The following AK4 variants were observed in gnomAD, a reference collection of about 807,000 sequenced individuals.
The protein encoded by AK4 is adenylate kinase 4.
In AK4, 13 loss-of-function variants were observed where a neutral mutation model predicts 24.6. The ratio of observed to expected loss-of-function variants is 0.53; its 90% CI spans 0.34 to 0.84. AK4 has a LOEUF of 0.84. Among genes scored for constraint, AK4 ranks in the 40% least tolerant of loss-of-function variants. The pLI is 0.01. For missense variants in AK4, 192 were observed against 288.2 expected, an observed-to-expected ratio of 0.67 and a Z score of 2.42; for synonymous variants, 88 against 107.0, an observed-to-expected ratio of 0.82 and a Z score of 1.10.
At chr1:65,222,058 G>C (rs12088806) in intron 3 of AK4, among the ~76,000 whole-genome samples, 5 of 152,212 alleles carry the variant, frequency 3.3e-5, no homozygotes, top group African/African-American at 1.2e-4. Flanking sequence ...GAAAAGACCA[G>C]CTGGTGGTGG....
intron 2 of AK4, among the ~76,000 whole-genome samples, chr1:65,192,538 C>T (rs997338199): frequency 1.1e-4 from 16 of 152,286 alleles, no homozygotes; most frequent in African/African-American, 3.1e-4. Context: ...CAAAACAACT[C>T]GTGTCCTTCT....
chr1:65,169,417 T>G (rs1212727411), intron 1 of AK4, among the ~76,000 whole-genome samples: 3 of 152,188 alleles, frequency 2.0e-5, no homozygotes, highest in African/African-American at 7.2e-5. Context: ...TTTAAGAGTG[T>G]AGGCTCTGGA....
intron 2 of AK4, among the ~76,000 whole-genome samples, chr1:65,204,994 A>T (rs1399132099): frequency 6.6e-6 from 1 of 152,208 alleles, no homozygotes; most frequent in African/African-American, 2.4e-5. Context: ...CGTGAACTGT[A>T]TCTGAGTAAA....
intron 2 of AK4, among the ~76,000 whole-genome samples, chr1:65,212,974 T>C (rs1652017702): frequency 1.3e-5 from 2 of 152,196 alleles, no homozygotes; most frequent in South Asian, 4.1e-4. Context: ...GTTTGCTGAG[T>C]TGCAGACTTG....
At chr1:65,148,900 T>G in intron 1 of AK4, 1 of 172,214 alleles carries the variant, frequency 5.8e-6, no homozygotes, top group Non-Finnish European at 1.2e-5. Context: ...GCCGTCCCCG[T>G]ACCCCTTAGC....
chr1:65,216,952 C>T (rs1652151755), intron 2 of AK4, among the ~76,000 whole-genome samples: 3 of 152,188 alleles, frequency 2.0e-5, no homozygotes, highest in Non-Finnish European at 2.9e-5. Context: ...CCCACTGCCT[C>T]GGCCTCCTAA....
intron 1 of AK4, among the ~76,000 whole-genome samples, chr1:65,162,087 A>G (rs1178782734): frequency 6.6e-6 from 1 of 152,112 alleles, no homozygotes; most frequent in Non-Finnish European, 1.5e-5. Flanking sequence ...GTCTCTATAG[A>G]AAATAAAAAT....
intron 1 of AK4, among the ~76,000 whole-genome samples, chr1:65,166,310 C>CTCTG: frequency 7.0e-6 from 1 of 143,118 alleles, no homozygotes; most frequent in South Asian, 2.4e-4. Flanking sequence ...GGGATTTAAG[C>CTCTG]TGTGTGTGTG....
At chr1:65,188,500 A>G (rs896894257) in intron 1 of AK4, among the ~76,000 whole-genome samples, 2 of 152,036 alleles carry the variant, frequency 1.3e-5, no homozygotes, top group African/African-American at 4.8e-5. Context: ...TTTGTTTGAG[A>G]TGGAGTCTTG....
At chr1:65,217,097 C>G (rs1348510849) in intron 2 of AK4, among the ~76,000 whole-genome samples, 1 of 152,146 alleles carries the variant, frequency 6.6e-6, no homozygotes, top group Non-Finnish European at 1.5e-5. Context: ...TGAGAGGGGA[C>G]TTTATGTGGA....
rs1652555900 is a variant in AK4, at chr1:65,229,062, A to C, written c.*2885A>C. 1 of 152,252 alleles carries C rather than the reference A, an allele frequency of 6.6e-6. No homozygotes were observed. The highest frequency in any genetic ancestry group is 6.5e-5 in the Admixed American group (1 of 15,280). The allele number at this position is 152,252 out of a possible 1,614,324, so 9.4% of individuals were successfully genotyped here. ...ATGATTTCACGTTGATAAACAAAGA[A>C]GACAGGGGTCCCAGGGATGTGAAGC... On this transcript the variant is annotated 3_prime_UTR_variant, in exon 5 of 5. Transcript: ENST00000327299.
At chr1:65,159,949 C>G (rs1019187520) in intron 1 of AK4, among the ~76,000 whole-genome samples, 1 of 133,572 alleles carries the variant, frequency 7.5e-6, no homozygotes, top group African/African-American at 2.9e-5. Flanking sequence ...GCCTGGGCAA[C>G]AGCGCCGAGA....
At position 65,173,655 on chromosome 1, in the gene AK4, T is replaced by C. The variant is rs1303154490; in HGVS notation, c.146-17055T>C. On this transcript the variant is annotated intron_variant, in intron 1 of 4. Coordinates refer to ENST00000327299, the MANE Select transcript of AK4 (RefSeq NM_013410.4). ...GCCAAGGTGGGCAGATCGCTTGTGC[T>C]CAGGAGTTCGAGCCTGGGCGGCATG... 2.0e-5 allele frequency among the ~76,000 whole-genome samples: 3 copies of C among 152,122 alleles called. No individual in the cohort carries two copies. In the East Asian group the frequency reaches 5.8e-4, roughly 29 times the overall value.
At chr1:65,222,054 A>G (rs1652313704) in intron 3 of AK4, among the ~76,000 whole-genome samples, 1 of 152,166 alleles carries the variant, frequency 6.6e-6, no homozygotes, top group African/African-American at 2.4e-5. Flanking sequence ...AGTGGAAAAG[A>G]CCAGCTGGTG....
intron 1 of AK4, among the ~76,000 whole-genome samples, chr1:65,171,303 C>CTTTT (rs56094715): frequency 5.1e-5 from 3 of 58,284 alleles, no homozygotes; most frequent in Non-Finnish European, 8.3e-5. Context: ...GAAATAGTTG[C>CTTTT]TTTTTTTTTT....
intron 2 of AK4, among the ~76,000 whole-genome samples, chr1:65,197,698 A>G (rs1470778360): frequency 6.6e-6 from 1 of 152,192 alleles, no homozygotes; most frequent in African/African-American, 2.4e-5. Flanking sequence ...GTGTAGGTGT[A>G]TGATCAGAAA....
chr1:65,220,393 A>G (rs1652259633), intron 3 of AK4, among the ~76,000 whole-genome samples: 1 of 152,184 alleles, frequency 6.6e-6, no homozygotes, highest in East Asian at 1.9e-4. Flanking sequence ...TATTTAGTGT[A>G]GTAAGTGTTT....
chr1:65,219,794 A>AT (rs1449104021), intron 3 of AK4, among the ~76,000 whole-genome samples: 1 of 152,112 alleles, frequency 6.6e-6, no homozygotes, highest in East Asian at 1.9e-4. Flanking sequence ...TAGTCTATGG[A>AT]TTTTCACAAA....
intron 1 of AK4, among the ~76,000 whole-genome samples, chr1:65,164,452 C>T (rs1396081995): frequency 1.3e-5 from 2 of 152,150 alleles, no homozygotes; most frequent in Admixed American, 1.3e-4. Flanking sequence ...TCAATTTTAG[C>T]TACCCTATTG....
Sources: gnomAD v4.1 joint callset for allele counts (sites outside exome capture counted in the v4.1 genomes callset) on GRCh38, gnomAD v4.1.1 for gene constraint, MANE v1.5 for transcripts, NCBI Gene and HGNC (gene_info 2026-07-23, HGNC 2026-07-21) for gene names.